EPHA5: variants seen among roughly 807,000 people sequenced by gnomAD.
EPHA5 encodes EPH receptor A5.
EPHA5 carries 60 observed loss-of-function variants against 105.0 expected under a neutral mutation model. The observed-to-expected ratio is 0.57, with a 90% CI of 0.46 to 0.71. The LOEUF (loss-of-function observed/expected upper bound fraction) is 0.71, where lower values mean the gene tolerates loss of function less well. Among genes scored for constraint, EPHA5 ranks in the 30% least tolerant of loss-of-function variants. The pLI is 0.00. For synonymous variants in EPHA5, 513 were observed against 449.1 expected (o/e 1.14, Z -1.80); for missense variants, 1,218 against 1,274.7 (o/e 0.96, Z 0.68).
At chr4:65,354,049 G>C (rs1723076185) in intron 11 of EPHA5, among the ~76,000 whole-genome samples, 1 of 151,514 alleles carries the variant, frequency 6.6e-6, no homozygotes, top group Non-Finnish European at 1.5e-5. Flanking sequence ...ATGGATCCCG[G>C]GCAAGTCAAT....
chr4:65,395,716 T>C (rs1474842163), intron 8 of EPHA5, among the ~76,000 whole-genome samples: 1 of 152,226 alleles, frequency 6.6e-6, no homozygotes, highest in African/African-American at 2.4e-5. Flanking sequence ...GATTTGAACA[T>C]GATCATGACA....
At chr4:65,643,689 A>G (rs1202806598) in intron 1 of EPHA5, among the ~76,000 whole-genome samples, 2 of 151,914 alleles carry the variant, frequency 1.3e-5, no homozygotes, top group Admixed American at 1.3e-4. Flanking sequence ...CAAAACAATA[A>G]TAAATTTAAA....
intron 7 of EPHA5, among the ~76,000 whole-genome samples, chr4:65,413,181 A>G (rs1405333397): frequency 6.6e-6 from 1 of 152,114 alleles, no homozygotes; most frequent in Non-Finnish European, 1.5e-5. Flanking sequence ...AAGAAAAGAA[A>G]ATTTTCTGAA....
rs1719673673 is a variant in EPHA5, at chr4:65,321,981, T to A, written c.*2133A>T. On this transcript the variant is annotated 3_prime_UTR_variant, in exon 17 of 17. Transcript: ENST00000613740. ...AAGTGCCACATAATCATCATTTATT[T>A]TGTACAAAAGTAATTTGTTTCATTA... 1 of 225,984 alleles carries A rather than the reference T, an allele frequency of 4.4e-6. No individual in the cohort carries two copies. The allele number at this position is 225,984 out of a possible 1,614,324, so 14.0% of individuals were successfully genotyped here.
At chr4:65,411,523 C>A (rs1329204500) in intron 7 of EPHA5, among the ~76,000 whole-genome samples, 1 of 152,114 alleles carries the variant, frequency 6.6e-6, no homozygotes, top group African/African-American at 2.4e-5. Context: ...CCTATTCTTA[C>A]ATACCTGACT....
intron 2 of EPHA5, among the ~76,000 whole-genome samples, chr4:65,633,436 G>C (rs1178687871): frequency 6.6e-6 from 1 of 151,836 alleles, no homozygotes; most frequent in Non-Finnish European, 1.5e-5. Flanking sequence ...TGTCCCCAGG[G>C]AACTCTGCAA....
intron 16 of EPHA5, among the ~76,000 whole-genome samples, chr4:65,325,431 TTA>T (rs1421687527): frequency 6.6e-6 from 1 of 150,492 alleles, no homozygotes; most frequent in Non-Finnish European, 1.5e-5. Context: ...TCTTGATTTC[TTA>T]TGACAGTTTT....
chr4:65,447,282 A>G, intron 5 of EPHA5, among the ~76,000 whole-genome samples: 1 of 152,008 alleles, frequency 6.6e-6, no homozygotes. Flanking sequence ...TTGGGTGGAG[A>G]CTATGATATT....
At chr4:65,518,600 C>T (rs535422614) in intron 3 of EPHA5, among the ~76,000 whole-genome samples, 1 of 152,102 alleles carries the variant, frequency 6.6e-6, no homozygotes, top group Non-Finnish European at 1.5e-5. Flanking sequence ...TTTAACTAGC[C>T]TAGTTTGACA....
intron 3 of EPHA5, among the ~76,000 whole-genome samples, chr4:65,525,446 A>AT (rs1222510003): frequency 2.6e-5 from 4 of 151,616 alleles, no homozygotes; most frequent in East Asian, 3.9e-4. Flanking sequence ...CATACAATGT[A>AT]TTTTTTTCCC....
chr4:65,659,460 A>G (rs1394440248), intron 1 of EPHA5, among the ~76,000 whole-genome samples: 2 of 151,896 alleles, frequency 1.3e-5, no homozygotes, highest in Non-Finnish European at 2.9e-5. Flanking sequence ...AAGAGAGAAG[A>G]TGTTAATACG....
chr4:65,640,983 G>A (rs2149510708), intron 2 of EPHA5, among the ~76,000 whole-genome samples: 1 of 152,214 alleles, frequency 6.6e-6, no homozygotes, highest in Admixed American at 6.5e-5. Flanking sequence ...TCACACAGAA[G>A]AAAAATCAGA....
intron 2 of EPHA5, among the ~76,000 whole-genome samples, chr4:65,641,926 A>G (rs1173419361): frequency 2.0e-5 from 3 of 152,150 alleles, no homozygotes; most frequent in Non-Finnish European, 4.4e-5. Flanking sequence ...TTATAAAGCA[A>G]TTAATTGTTT....
rs560243745 is a variant in EPHA5, at chr4:65,357,484, T to C, written c.2174-4381A>G. On this transcript the variant is annotated intron_variant, in intron 11 of 16. Transcript: ENST00000613740. ...AAATATGTCATAACTATTCAACCAT[T>C]GATGGCAGATCTAGTTCAGGAATTT... is the stretch of plus-strand genomic sequence containing the variant. Among the ~76,000 whole-genome samples, 12 of 151,632 alleles carry C rather than the reference T, an allele frequency of 7.9e-5. 2 individuals carry two copies. Among genetic ancestry groups the C allele is most frequent in the African/African-American group, 2.9e-4 (12 of 41,502 alleles).
intron 2 of EPHA5, among the ~76,000 whole-genome samples, chr4:65,630,226 G>A (rs1277906454): frequency 4.6e-5 from 7 of 152,232 alleles, no homozygotes; most frequent in African/African-American, 1.4e-4. Context: ...GAGAAAAGAC[G>A]TGAAACTGGT....
At chr4:65,562,658 A>C (rs2149359739) in intron 3 of EPHA5, among the ~76,000 whole-genome samples, 1 of 152,200 alleles carries the variant, frequency 6.6e-6, no homozygotes, top group South Asian at 2.1e-4. Flanking sequence ...TGACATTCTG[A>C]AAGTTAGTGA....
intron 2 of EPHA5, among the ~76,000 whole-genome samples, chr4:65,630,435 A>T (rs1746528500): frequency 6.6e-6 from 1 of 152,176 alleles, no homozygotes; most frequent in African/African-American, 2.4e-5. Flanking sequence ...GTAGCAGGCC[A>T]GTGCATGTGG....
intron 3 of EPHA5, among the ~76,000 whole-genome samples, chr4:65,599,625 A>C (rs1331058198): frequency 6.6e-6 from 1 of 152,142 alleles, no homozygotes. Flanking sequence ...GGGCTGTAGT[A>C]AACTTTTTGC....
intron 3 of EPHA5, among the ~76,000 whole-genome samples, chr4:65,585,713 T>A (rs373495760): frequency 2.6e-5 from 4 of 151,828 alleles, no homozygotes; most frequent in Non-Finnish European, 4.4e-5. Flanking sequence ...CTCCTTTATA[T>A]AGAGAAAACA....
Sources: gnomAD v4.1 joint callset for allele counts (sites outside exome capture counted in the v4.1 genomes callset) on GRCh38, gnomAD v4.1.1 for gene constraint, MANE v1.5 for transcripts, NCBI Gene and HGNC (gene_info 2026-07-23, HGNC 2026-07-21) for gene names.